CACNA1D: variants seen among roughly 807,000 people sequenced by gnomAD.
CACNA1D encodes the protein calcium voltage-gated channel subunit alpha1 D, also known as voltage-dependent L-type calcium channel subunit alpha-1D.
CACNA1D carries 55 observed loss-of-function variants against 257.1 expected under a neutral mutation model. The observed-to-expected ratio is 0.21, with a 90% confidence interval of 0.17 to 0.27. The LOEUF is 0.27. CACNA1D is among the 10% of genes least tolerant of loss of function. The pLI, the probability that CACNA1D is intolerant of heterozygous loss-of-function variation, is 1.00. For synonymous variants in CACNA1D, 980 were observed against 1,014.9 expected (o/e 0.97, Z 0.65); for missense variants, 1,876 against 2,784.0 (o/e 0.67, Z 7.34).
At chr3:53,615,494 G>A (rs1195540808) in intron 3 of CACNA1D, among the ~76,000 whole-genome samples, 2 of 152,208 alleles carry the variant, frequency 1.3e-5, no homozygotes, top group African/African-American at 4.8e-5. Flanking sequence ...TGCTCATCCC[G>A]TGTTTAAATT....
At chr3:53,594,939 A>C (rs925223020) in intron 3 of CACNA1D, among the ~76,000 whole-genome samples, 2 of 152,266 alleles carry the variant, frequency 1.3e-5, no homozygotes, top group Admixed American at 6.5e-5. Flanking sequence ...CCCAGATATG[A>C]AAATCAGATC....
chr3:53,526,047 G>A (rs1015373776), intron 3 of CACNA1D, among the ~76,000 whole-genome samples: 1 of 152,162 alleles, frequency 6.6e-6, no homozygotes, highest in African/African-American at 2.4e-5. Flanking sequence ...CTAGGCCTAC[G>A]CCTTTCCACC....
rs192647348 is a variant in CACNA1D, at chr3:53,588,486, C to T, written c.484-62293C>T. Among the ~76,000 whole-genome samples, 9 of 152,240 alleles carry T rather than the reference C, an allele frequency of 5.9e-5. No homozygotes were observed. In the East Asian group the frequency reaches 1.7e-3, roughly 29 times the overall value. On this transcript the variant is annotated intron_variant, in intron 3 of 47. Transcript: ENST00000350061. The stretch of plus-strand genomic sequence containing the variant: ...GGGAGTTTGGAGACGGGAGATGCTC[C>T]TTCTGCCTGGGGGAGTAGAGAAATG...
At chr3:53,754,878 C>A (rs2095253047) in intron 29 of CACNA1D, among the ~76,000 whole-genome samples, 2 of 152,148 alleles carry the variant, frequency 1.3e-5, no homozygotes, top group South Asian at 4.1e-4. Flanking sequence ...CTGTTCCTTT[C>A]TTTAATTTGA....
At chr3:53,540,322 C>T (rs2092264093) in intron 3 of CACNA1D, among the ~76,000 whole-genome samples, 1 of 150,496 alleles carries the variant, frequency 6.6e-6, no homozygotes. Context: ...GACAGGGTTT[C>T]ACCATGTTGG....
chr3:53,786,993 A>G, intron 40 of CACNA1D, 41 bp downstream of exon 40: 1 of 1,607,570 alleles, frequency 6.2e-7, no homozygotes, highest in Non-Finnish European at 8.5e-7. Context: ...TTGACTAACG[A>G]TTTTACAAGC....
intron 3 of CACNA1D, among the ~76,000 whole-genome samples, chr3:53,537,752 T>C (rs1174539524): frequency 6.6e-6 from 1 of 152,228 alleles, no homozygotes. Context: ...ACACACTCTT[T>C]TATCCTCCTT....
chr3:53,762,675 A>C (rs1375025531), intron 30 of CACNA1D: 1 of 456,220 alleles, frequency 2.2e-6, no homozygotes, highest in Non-Finnish European at 4.4e-6. Context: ...GGTTGTTTTC[A>C]TTAAGTCTGA....
chr3:53,519,634 C>A (rs1217937390), intron 3 of CACNA1D, among the ~76,000 whole-genome samples: 1 of 152,094 alleles, frequency 6.6e-6, no homozygotes, highest in Non-Finnish European at 1.5e-5. Context: ...TTAAAAGAAG[C>A]CTTATTGAGA....
chr3:53,589,424 A>G (rs567831564), intron 3 of CACNA1D, among the ~76,000 whole-genome samples: 2 of 152,140 alleles, frequency 1.3e-5, no homozygotes, highest in Non-Finnish European at 2.9e-5. Flanking sequence ...AACTCCCGCC[A>G]AGAGGAAGCC....
chr3:53,755,357 G>A (rs561339239), intron 29 of CACNA1D, among the ~76,000 whole-genome samples: 6 of 152,296 alleles, frequency 3.9e-5, no homozygotes, highest in African/African-American at 1.4e-4. Context: ...GCACATGCGT[G>A]TGTGTTCATG....
intron 8 of CACNA1D, among the ~76,000 whole-genome samples, chr3:53,688,883 G>A (rs957367143): frequency 6.6e-6 from 1 of 152,172 alleles, no homozygotes; most frequent in African/African-American, 2.4e-5. Flanking sequence ...TTTTAAGTCA[G>A]TGGGTGAGAG....
chr3:53,782,861 C>G (rs750534425), intron 39 of CACNA1D: 3 of 152,184 alleles, frequency 2.0e-5, no homozygotes, highest in Non-Finnish European at 4.4e-5. Flanking sequence ...AAAACAACTC[C>G]TTGGTTTTCA....
chr3:53,790,254 C>T (rs911750059), intron 40 of CACNA1D, among the ~76,000 whole-genome samples: 1 of 152,190 alleles, frequency 6.6e-6, no homozygotes, highest in Non-Finnish European at 1.5e-5. Flanking sequence ...ATTCTCAGTC[C>T]TCCTCCCAGC....
chr3:53,612,071 A>T (rs563791583), intron 3 of CACNA1D, among the ~76,000 whole-genome samples: 1 of 152,346 alleles, frequency 6.6e-6, no homozygotes, highest in African/African-American at 2.4e-5. Flanking sequence ...GATTTAAAAA[A>T]ATATTTGATA....
At position 53,730,435 on chromosome 3, in the gene CACNA1D, A is replaced by G; in HGVS notation, c.2222-7A>G. On this transcript the variant is annotated splice_polypyrimidine_tract_variant and splice_region_variant and intron_variant, in intron 15 of 47. Coordinates refer to ENST00000350061, the MANE Select transcript of CACNA1D (RefSeq NM_001128840.3). ...AGTGTGTTGTGCCCTTAAAAAGTTG[A>G]AATTAGATATTCTACTGAATGTCTT... 1 of 1,598,898 alleles carries G rather than the reference A, an allele frequency of 6.3e-7. No individual in the cohort carries two copies. The highest frequency in any genetic ancestry group is 8.6e-7 in the Non-Finnish European group (1 of 1,165,966).
rs2094095191 is a variant in CACNA1D, at chr3:53,651,406, ACT to A, written c.623+491_623+492del. Among the ~76,000 whole-genome samples the A allele has an allele frequency of 2.8e-5, 3 of 106,814 alleles. No homozygotes were observed. The South Asian group carries it at 9.6e-4, about 34-fold the overall frequency. 70.1% of individuals were successfully genotyped at this position (106,814 alleles called of 152,430 possible). A position where few individuals can be genotyped will look rare whatever the true frequency, so the allele number is the denominator to read the frequency against. ...TTTTTTTTGCTGACTTGCGGGAGAA[ACT>A]CTGGCATACTACTGTTCCATTTTAA... On this transcript the variant is annotated intron_variant, in intron 4 of 47. Transcript: ENST00000350061.
chr3:53,665,587 GTTAGGAATTATATATATGATTCA>G, intron 5 of CACNA1D, 50 bp from the exon 6 acceptor site: 6 of 1,160,950 alleles, frequency 5.2e-6, no homozygotes, highest in Non-Finnish European at 6.5e-6. Flanking sequence ...AGGAGGCATG[GTTAGGAATTATATATATGATTCA>G]TTGGAGTGCC....
At chr3:53,559,574 T>G (rs2092702337) in intron 3 of CACNA1D, among the ~76,000 whole-genome samples, 1 of 152,232 alleles carries the variant, frequency 6.6e-6, no homozygotes, top group South Asian at 2.1e-4. Context: ...TTAGTCTGTT[T>G]CTTTTGTGTG....
Sources: gnomAD v4.1 joint callset for allele counts (sites outside exome capture counted in the v4.1 genomes callset) on GRCh38, gnomAD v4.1.1 for gene constraint, MANE v1.5 for transcripts, NCBI Gene and HGNC (gene_info 2026-07-23, HGNC 2026-07-21) for gene names.